The following CNTN3 variants were observed in gnomAD, a reference collection of about 807,000 sequenced individuals.
CNTN3 encodes contactin-3.
A neutral mutation model predicts 119.1 loss-of-function variants in CNTN3; 60 were observed. The observed-to-expected ratio is 0.50, with a 90% CI of 0.41 to 0.62. The LOEUF (loss-of-function observed/expected upper bound fraction) is 0.62. CNTN3 is among the 20% of genes least tolerant of loss of function. The probability of loss-of-function intolerance (pLI) is 0.00; values close to 1 mark genes in which losing one functional copy is unlikely to be tolerated. For synonymous variants in CNTN3, 450 were observed against 438.7 expected (o/e 1.03, Z -0.32); for missense variants, 1,101 against 1,242.4 (o/e 0.89, Z 1.71).
At chr3:74,352,181 A>G (rs540584519) in intron 11 of CNTN3, among the ~76,000 whole-genome samples, 1 of 152,294 alleles carries the variant, frequency 6.6e-6, no homozygotes, top group African/African-American at 2.4e-5. Context: ...ATAAATACCC[A>G]GTTTTGCTTC....
chr3:74,462,416 ATAGGAAC>A (rs1702386625), intron 4 of CNTN3, among the ~76,000 whole-genome samples: 1 of 152,102 alleles, frequency 6.6e-6, no homozygotes. Context: ...CCTAGTATCC[ATAGGAAC>A]TTTCATGTCT....
chr3:74,362,190 G>T, intron 10 of CNTN3, 150 bp from the exon 11 acceptor site: 1 of 705,484 alleles, frequency 1.4e-6, no homozygotes, highest in Non-Finnish European at 2.3e-6. Context: ...CCACACACAG[G>T]ATAATTCATG....
chr3:74,549,802 G>A (rs1275783136), intron 1 of CNTN3, among the ~76,000 whole-genome samples: 1 of 152,162 alleles, frequency 6.6e-6, no homozygotes, highest in Non-Finnish European at 1.5e-5. Flanking sequence ...AGACGCTATG[G>A]TATTAGAACT....
chr3:74,519,766 C>T (rs1276239900), intron 2 of CNTN3, among the ~76,000 whole-genome samples: 8 of 151,590 alleles, frequency 5.3e-5, no homozygotes, highest in Non-Finnish European at 1.0e-4. Flanking sequence ...TTTTAAACAA[C>T]TATTCTTTTT....
At chr3:74,514,112 T>A (rs1703412990) in intron 2 of CNTN3, among the ~76,000 whole-genome samples, 1 of 152,108 alleles carries the variant, frequency 6.6e-6, no homozygotes, top group African/African-American at 2.4e-5. Context: ...AGGAAAGATG[T>A]CATATTCACC....
At chr3:74,605,297 A>G (rs907554338) in intron 1 of CNTN3, among the ~76,000 whole-genome samples, 3 of 152,114 alleles carry the variant, frequency 2.0e-5, no homozygotes, top group Non-Finnish European at 4.4e-5. Flanking sequence ...AAGCTTTTTC[A>G]CCATACAAAA....
At chr3:74,464,966 C>T (rs1702435466) in intron 4 of CNTN3, among the ~76,000 whole-genome samples, 1 of 152,086 alleles carries the variant, frequency 6.6e-6, no homozygotes, top group Non-Finnish European at 1.5e-5. Flanking sequence ...TCAAGAGGCA[C>T]CTAAATTTGG....
rs552882456 is a variant in CNTN3, at chr3:74,582,319, C to T, written c.-81+32072G>A. Among the ~76,000 whole-genome samples the T allele has an allele frequency of 8.2e-4, 124 of 151,732 alleles. 1 individual carries two copies. Among genetic ancestry groups the T allele is most frequent in the Non-Finnish European group, 1.4e-3 (92 of 67,904 alleles). ...TACTTGAGAGGCTGAGGCAGGAGAA[C>T]GGCATGAACCCGGGAGGCAGAGGCT... On this transcript the variant is annotated intron_variant, in intron 1 of 22. Transcript: ENST00000263665.
At position 74,455,637 on chromosome 3, in the gene CNTN3, A is replaced by C. The variant is rs184132812; in HGVS notation, c.359-30697T>G. Among the ~76,000 whole-genome samples, 793 of 151,664 alleles carry C rather than the reference A, an allele frequency of 5.2e-3. 8 individuals carry two copies. Among genetic ancestry groups the C allele is most frequent in the Admixed American group, 0.012 (188 of 15,226 alleles). On this transcript the variant is annotated intron_variant, in intron 4 of 22. Coordinates refer to ENST00000263665, the MANE Select transcript of CNTN3 (RefSeq NM_020872.3). Reference sequence around the variant, plus strand: ...TTTCCCCATCTTTGTGGTTTTATCTACTTTTGGTCTTTGATGATGGTGATG... The same window carrying C: ...TTTCCCCATCTTTGTGGTTTTATCTCCTTTTGGTCTTTGATGATGGTGATG...
At chr3:74,265,717 A>T (rs138754491) in intron 22 of CNTN3, among the ~76,000 whole-genome samples, 87 of 152,278 alleles carry the variant, frequency 5.7e-4, no homozygotes, top group African/African-American at 1.9e-3. Context: ...GATTAAAGAC[A>T]AAAGTTTCAG....
At chr3:74,429,538 T>C (rs1701749755) in intron 4 of CNTN3, among the ~76,000 whole-genome samples, 1 of 152,138 alleles carries the variant, frequency 6.6e-6, no homozygotes, top group African/African-American at 2.4e-5. Flanking sequence ...AACTTTTATT[T>C]AAAAAATATT....
chr3:74,374,745 C>T (rs768760675), intron 5 of CNTN3, among the ~76,000 whole-genome samples: 40 of 152,224 alleles, frequency 2.6e-4, no homozygotes, highest in Admixed American at 3.9e-4. Flanking sequence ...CTGTCCAGCC[C>T]TAAACCTTCA....
At chr3:74,575,117 G>A (rs1704393595) in intron 1 of CNTN3, among the ~76,000 whole-genome samples, 1 of 151,838 alleles carries the variant, frequency 6.6e-6, no homozygotes, top group Non-Finnish European at 1.5e-5. Flanking sequence ...TAGAGACAGG[G>A]TTTCACTATG....
intron 5 of CNTN3, among the ~76,000 whole-genome samples, chr3:74,411,572 T>C (rs1456429121): frequency 6.6e-6 from 1 of 152,226 alleles, no homozygotes; most frequent in Non-Finnish European, 1.5e-5. Context: ...AAAGTTTTCT[T>C]TTTTAATTGT....
chr3:74,464,244 T>C (rs1004575605), intron 4 of CNTN3, among the ~76,000 whole-genome samples: 1 of 152,156 alleles, frequency 6.6e-6, no homozygotes, highest in African/African-American at 2.4e-5. Flanking sequence ...GTATAATTTA[T>C]AATTACAATA....
At chr3:74,463,320 C>T (rs767067201) in intron 4 of CNTN3, among the ~76,000 whole-genome samples, 5 of 152,000 alleles carry the variant, frequency 3.3e-5, no homozygotes, top group African/African-American at 4.8e-5. Context: ...CTGAAAATGG[C>T]TGATAGATAA....
chr3:74,584,611 C>A (rs889301473), intron 1 of CNTN3, among the ~76,000 whole-genome samples: 2 of 152,112 alleles, frequency 1.3e-5, no homozygotes, highest in Non-Finnish European at 1.5e-5. Flanking sequence ...GCCAAATAAA[C>A]CTCTTTTCTT....
chr3:74,424,183 A>T (rs1346883506), intron 5 of CNTN3, among the ~76,000 whole-genome samples: 5 of 152,108 alleles, frequency 3.3e-5, no homozygotes, highest in Non-Finnish European at 5.9e-5. Flanking sequence ...CGATAGGAAA[A>T]TCAAACCAGC....
chr3:74,356,511 G>A (rs1703937513), intron 11 of CNTN3, among the ~76,000 whole-genome samples: 1 of 152,020 alleles, frequency 6.6e-6, no homozygotes, highest in African/African-American at 2.4e-5. Context: ...TTTGCCAATT[G>A]AGTTTTATTG....
Sources: allele counts gnomAD v4.1 joint callset (sites outside exome capture counted in the v4.1 genomes callset), GRCh38; gene constraint gnomAD v4.1.1; transcripts MANE v1.5; gene names NCBI Gene and HGNC (gene_info 2026-07-23, HGNC 2026-07-21).